The following DDX55 variants were observed in gnomAD, a reference collection of about 807,000 sequenced individuals.
The protein encoded by DDX55 is ATP-dependent RNA helicase DDX55.
In DDX55, 56 loss-of-function variants were observed where a neutral mutation model predicts 69.2. That is an observed-to-expected ratio of 0.81 (90% CI 0.65 to 1.01). The LOEUF is 1.01. Ranked by LOEUF, DDX55 falls within the 50% of genes least tolerant of loss-of-function variation. The probability of loss-of-function intolerance (pLI) is 0.00; values close to 1 mark genes in which losing one functional copy is unlikely to be tolerated. For synonymous variants in DDX55, 268 were observed against 273.1 expected (o/e 0.98, Z 0.18); for missense variants, 720 against 745.1 (o/e 0.97, Z 0.39).
At chr12:123,608,470 C>A in intron 5 of DDX55, 1 of 507,032 alleles carries the variant, frequency 2.0e-6, no homozygotes, top group Admixed American at 3.1e-5. Context: ...GTTTGCCAAC[C>A]TTGCCTAGGT....
chr12:123,616,995 T>C (rs992268898), intron 10 of DDX55, among the ~76,000 whole-genome samples: 13 of 152,104 alleles, frequency 8.5e-5, no homozygotes, highest in Non-Finnish European at 1.5e-4. Context: ...CTACAAAAAA[T>C]ATATATACAG....
intron 7 of DDX55, among the ~76,000 whole-genome samples, chr12:123,610,710 C>T (rs1954171027): frequency 7.3e-6 from 1 of 136,792 alleles, no homozygotes. Context: ...CTCCTGGGTT[C>T]ATGCCATTCT....
rs1954983056 is a variant in DDX55, at chr12:123,619,425, G to C, written c.1334-7G>C. On this transcript the variant is annotated splice_region_variant and splice_polypyrimidine_tract_variant and intron_variant, in intron 12 of 13. Coordinates refer to ENST00000238146, the MANE Select transcript of DDX55 (RefSeq NM_020936.3). ...GTGCGCTAACTCTGATCTTCTGATT[G>C]AATCAGATCTTGATTTTGCCAGCCT... is the stretch of plus-strand genomic sequence containing the variant. The C allele has an allele frequency of 1.2e-6, 2 of 1,607,418 alleles. No homozygotes were observed. The highest frequency in any genetic ancestry group is 2.2e-5 in the East Asian group (1 of 44,830).
Position 123,619,592 on chromosome 12 carries a change from C to A in DDX55, c.1494C>A (p.Leu498=), listed in dbSNP as rs535874946. Residue 498 remains leucine, a synonymous_variant, in exon 13 of 14, where the codon CTC becomes CTA. Transcript: ENST00000238146. ...DKIREKQRQK[L]LEQQRREKTE... is the part of the protein sequence containing the mutation. ...TCAGAGAAAAGCAGAGGCAGAAACT[C>A]CTGGAGCAACAAAGAAGAGAGAAAA... 1.2e-6 allele frequency: 2 copies of A among 1,613,150 alleles called. No individual in the cohort carries two copies. The highest frequency in any genetic ancestry group is 2.2e-5 in the South Asian group (2 of 91,042).
At position 123,619,516 on chromosome 12, in the gene DDX55, A is replaced by G; in HGVS notation, c.1418A>G (p.Asp473Gly). The change falls in exon 13 of 14, where the codon GAT (aspartate) becomes GGT (glycine). Residue 473 changes from aspartate (D) to glycine (G), a missense_variant. Transcript: ENST00000238146. ...MPELRGKQFP[D>G]FVPVDVNTDT... The stretch of plus-strand genomic sequence containing the variant: ...GAATTGAGAGGAAAGCAGTTTCCAG[A>G]TTTTGTGCCCGTGGACGTTAATACC... 6.2e-7 allele frequency: 1 copy of G among 1,614,042 alleles called. No homozygotes were observed. Among genetic ancestry groups the G allele is most frequent in the Non-Finnish European group, 8.5e-7 (1 of 1,179,970 alleles).
chr12:123,618,395 C>A, intron 11 of DDX55: 1 of 873,784 alleles, frequency 1.1e-6, no homozygotes, highest in South Asian at 1.3e-5. Context: ...CTGCTGGGAC[C>A]CAGGCAAGGG....
intron 12 of DDX55, 51 bp from the exon 13 acceptor site, chr12:123,619,381 A>G: frequency 6.4e-7 from 1 of 1,550,654 alleles, no homozygotes; most frequent in Non-Finnish European, 8.7e-7. Flanking sequence ...GCCATTACTG[A>G]TTGTTCTAAT....
rs763760757 is a variant in DDX55, at chr12:123,617,792, A to G, written c.1084A>G (p.Ile362Val). The change falls in exon 11 of 14, where the codon ATT becomes GTT. Residue 362 changes from isoleucine to valine, a missense_variant. Ile to Val is a conservative substitution (Grantham distance 29). Coordinates refer to ENST00000238146, the MANE Select transcript of DDX55 (RefSeq NM_020936.3). ...GCATCGCTGCGGTCGCACAGCTCGCATTGGCCACGGGGGCAGCGCTCTGGT... is the reference window on the plus strand; with the variant it reads ...GCATCGCTGCGGTCGCACAGCTCGCGTTGGCCACGGGGGCAGCGCTCTGGT... ...FVHRCGRTAR[I>V]GHGGSALVFL... is the part of the protein sequence containing the mutation. 1.9e-6 allele frequency: 3 copies of G among 1,613,468 alleles called. No homozygotes were observed. Among genetic ancestry groups the G allele is most frequent in the African/African-American group, 1.3e-5 (1 of 74,834 alleles).
intron 7 of DDX55, among the ~76,000 whole-genome samples, chr12:123,611,776 A>G (rs546688795): frequency 6.6e-6 from 1 of 152,324 alleles, no homozygotes; most frequent in South Asian, 2.1e-4. Flanking sequence ...GTTTCTGACA[A>G]GCTGGACTGG....
chr12:123,602,259 A>G lies in DDX55; in HGVS notation c.108+3A>G, dbSNP rs779762613. On this transcript the variant is annotated splice_donor_region_variant and intron_variant, in intron 1 of 13. Coordinates refer to ENST00000238146, the MANE Select transcript of DDX55 (RefSeq NM_020936.3). ...TCCCGTACATGACGCCGGTGCAGGT[A>G]TCGGTTCCCTGGCGTGGGGGAGTGA... is the stretch of plus-strand genomic sequence containing the variant. 3.2e-6 allele frequency: 5 copies of G among 1,555,076 alleles called. No individual in the cohort carries two copies. The highest frequency in any genetic ancestry group is 1.9e-5 in the Admixed American group (1 of 52,528).
intron 10 of DDX55, 45 bp downstream of exon 10, chr12:123,616,648 C>G (rs764645447): frequency 5.7e-6 from 9 of 1,566,292 alleles, no homozygotes; most frequent in Non-Finnish European, 7.0e-6. Flanking sequence ...GGAATTTAGC[C>G]TAATAAAGGA....
Position 123,613,216 on chromosome 12 carries a change from G to C in DDX55, c.788G>C (p.Arg263Pro). 4 of 1,613,946 alleles carry C rather than the reference G, an allele frequency of 2.5e-6. No individual in the cohort carries two copies. The highest frequency in any genetic ancestry group is 3.4e-6 in the Non-Finnish European group (4 of 1,180,002). ...TTTAATCAGCTGGTCCATTTTCTTC[G>C]CAATCATAAGCAGGAGAAACACCTG... The part of the protein sequence containing the change: ...EKFNQLVHFL[R>P]NHKQEKHLVF... Residue 263 changes from arginine to proline, a missense_variant, in exon 8 of 14, where the codon CGC becomes CCC. By Grantham distance (103) the Arg-to-Pro change is moderately radical. Coordinates refer to ENST00000238146, the MANE Select transcript of DDX55 (RefSeq NM_020936.3).
intron 13 of DDX55, 99 bp from the exon 14 acceptor site, chr12:123,619,865 C>G: frequency 1.3e-6 from 2 of 1,524,046 alleles, no homozygotes; most frequent in Admixed American, 2.2e-5. Flanking sequence ...TTTGCAGAAG[C>G]CAATCTGAGA....
At chr12:123,614,941 G>A (rs1954540507) in intron 8 of DDX55, among the ~76,000 whole-genome samples, 1 of 152,186 alleles carries the variant, frequency 6.6e-6, no homozygotes, top group Non-Finnish European at 1.5e-5. Flanking sequence ...AGTAAAATAT[G>A]TCCTTGGGGG....
At chr12:123,613,474 G>T (rs1173252244) in intron 8 of DDX55, among the ~76,000 whole-genome samples, 1 of 152,178 alleles carries the variant, frequency 6.6e-6, no homozygotes, top group African/African-American at 2.4e-5. Flanking sequence ...TGGGTTTCAT[G>T]TGTCAGTCAT....
At position 123,602,275 on chromosome 12, in the gene DDX55, G is replaced by C; in HGVS notation, c.108+19G>C. On this transcript the variant is annotated intron_variant, in intron 1 of 13. Transcript: ENST00000238146. The stretch of plus-strand genomic sequence containing the variant: ...GGTGCAGGTATCGGTTCCCTGGCGT[G>C]GGGGAGTGAGGCTGGGAGAGGGGCA... 6.5e-7 allele frequency: 1 copy of C among 1,535,766 alleles called. No individual in the cohort carries two copies. Among genetic ancestry groups the C allele is most frequent in the Non-Finnish European group, 8.8e-7 (1 of 1,142,368 alleles).
intron 12 of DDX55, 27 bp downstream of exon 12, chr12:123,618,864 T>C: frequency 6.2e-7 from 1 of 1,610,508 alleles, no homozygotes; most frequent in South Asian, 1.1e-5. Context: ...CATGTGATAA[T>C]GTCTCCATCT....
At position 123,602,247 on chromosome 12, in the gene DDX55, G is replaced by C. The variant is rs752948700; in HGVS notation, c.99G>C (p.Thr33=). Residue 33 remains threonine (T), a synonymous_variant, in exon 1 of 14, where the codon ACG becomes ACC. Coordinates refer to ENST00000238146, the MANE Select transcript of DDX55 (RefSeq NM_020936.3). ...GGGAGCTGGGCTTCCCGTACATGACGCCGGTGCAGGTATCGGTTCCCTGGC... is the reference window on the plus strand; with the variant it reads ...GGGAGCTGGGCTTCCCGTACATGACCCCGGTGCAGGTATCGGTTCCCTGGC... The part of the protein sequence containing the change: ...ALRELGFPYM[T]PVQSATIPLF... 4 of 1,562,978 alleles carry C rather than the reference G, an allele frequency of 2.6e-6. No individual in the cohort carries two copies. The highest frequency in any genetic ancestry group is 3.5e-6 in the Non-Finnish European group (4 of 1,157,162).
chr12:123,607,400 GCTGA>G (rs1457287379), intron 3 of DDX55, 28 bp from the exon 4 acceptor site: 2 of 1,611,086 alleles, frequency 1.2e-6, no homozygotes, highest in African/African-American at 1.3e-5. Context: ...CCCTTGTGCT[GCTGA>G]CTGTGTCCCT....
Sources: gnomAD v4.1 joint callset for allele counts (sites outside exome capture counted in the v4.1 genomes callset) on GRCh38, gnomAD v4.1.1 for gene constraint, MANE v1.5 for transcripts, NCBI Gene and HGNC (gene_info 2026-07-23, HGNC 2026-07-21) for gene names.